TRAPPC9: variants seen among roughly 807,000 people sequenced by gnomAD.
TRAPPC9 encodes IKK2 binding protein.
A neutral mutation model predicts 124.0 loss-of-function variants in TRAPPC9; 83 were observed. The ratio of observed to expected loss-of-function variants is 0.67; its 90% CI spans 0.56 to 0.80. TRAPPC9 has a LOEUF of 0.80. Among genes scored for constraint, TRAPPC9 ranks in the 30% least tolerant of loss-of-function variants. TRAPPC9 has a pLI of 0.00. For synonymous variants in TRAPPC9, 638 were observed against 617.5 expected (o/e 1.03, Z -0.49); for missense variants, 1,302 against 1,508.3 (o/e 0.86, Z 2.27).
At chr8:140,435,021 T>C in intron 4 of TRAPPC9, 91 bp downstream of exon 4, 1 of 1,578,672 alleles carries the variant, frequency 6.3e-7, no homozygotes. Flanking sequence ...TATTTAAATA[T>C]TAGTCCTAAC....
intron 8 of TRAPPC9, among the ~76,000 whole-genome samples, chr8:140,369,811 G>C (rs2068226197): frequency 6.6e-6 from 1 of 152,108 alleles, no homozygotes; most frequent in Non-Finnish European, 1.5e-5. Context: ...AATTAGCTGG[G>C]CGTGGTAGCA....
chr8:140,075,307 A>G (rs533127217), intron 17 of TRAPPC9, among the ~76,000 whole-genome samples: 1 of 152,356 alleles, frequency 6.6e-6, no homozygotes, highest in East Asian at 1.9e-4. Context: ...TACTCATTAC[A>G]AAGATTATTT....
intron 21 of TRAPPC9, among the ~76,000 whole-genome samples, chr8:139,792,340 G>C (rs1199819752): frequency 6.6e-6 from 1 of 152,214 alleles, no homozygotes; most frequent in Non-Finnish European, 1.5e-5. Flanking sequence ...GCAGCAGGCA[G>C]GAAAGGCCTA....
At chr8:140,438,820 T>C (rs2070908291) in intron 3 of TRAPPC9, among the ~76,000 whole-genome samples, 2 of 152,172 alleles carry the variant, frequency 1.3e-5, no homozygotes, top group Non-Finnish European at 2.9e-5. Context: ...GCCTCCCGAG[T>C]AGCTGGGACT....
At chr8:139,894,561 A>G (rs541651357) in intron 20 of TRAPPC9, among the ~76,000 whole-genome samples, 55 of 151,452 alleles carry the variant, frequency 3.6e-4, no homozygotes, top group African/African-American at 1.2e-3. Context: ...CAGCGGAGGG[A>G]GGGGGGGGCT....
intron 11 of TRAPPC9, among the ~76,000 whole-genome samples, chr8:140,292,599 G>A (rs897427049): frequency 5.9e-5 from 9 of 152,182 alleles, no homozygotes; most frequent in African/African-American, 2.2e-4. Context: ...ACCCAGAGCT[G>A]GCATGTTGAC....
At chr8:139,732,988 T>G (rs1271780903) in intron 21 of TRAPPC9, among the ~76,000 whole-genome samples, 2 of 150,500 alleles carry the variant, frequency 1.3e-5, no homozygotes, top group African/African-American at 2.5e-5. Flanking sequence ...GAGGTCAGGG[T>G]GGGGTGGGGG....
intron 19 of TRAPPC9, among the ~76,000 whole-genome samples, chr8:139,913,750 C>G (rs1831914817): frequency 6.6e-6 from 1 of 152,320 alleles, no homozygotes; most frequent in East Asian, 1.9e-4. Context: ...AGTGACTCAC[C>G]TAAGGTCACC....
At chr8:139,790,484 C>T (rs1822583699) in intron 21 of TRAPPC9, among the ~76,000 whole-genome samples, 1 of 152,234 alleles carries the variant, frequency 6.6e-6, no homozygotes, top group Non-Finnish European at 1.5e-5. Flanking sequence ...TCCATCTCTG[C>T]CCTGAGAGGC....
At chr8:140,167,916 G>A (rs569448075) in intron 17 of TRAPPC9, among the ~76,000 whole-genome samples, 57 of 152,302 alleles carry the variant, frequency 3.7e-4, no homozygotes, top group African/African-American at 1.3e-3. Flanking sequence ...AAAGAGCAAC[G>A]GTAACTCCGG....
intron 4 of TRAPPC9, among the ~76,000 whole-genome samples, chr8:140,429,293 T>C (rs1288234941): frequency 1.3e-5 from 2 of 152,090 alleles, no homozygotes; most frequent in African/African-American, 4.8e-5. Flanking sequence ...GGTTTTACCA[T>C]ATTGGCCAGG....
chr8:140,435,721 G>T (rs1012604666), intron 3 of TRAPPC9, among the ~76,000 whole-genome samples: 3 of 152,166 alleles, frequency 2.0e-5, no homozygotes, highest in African/African-American at 7.2e-5. Flanking sequence ...CACCCCATAG[G>T]CATCTGCTCC....
intron 21 of TRAPPC9, among the ~76,000 whole-genome samples, chr8:139,789,745 G>T (rs1822524020): frequency 6.6e-6 from 1 of 152,174 alleles, no homozygotes. Context: ...TGGGTCCCAG[G>T]GGAAGGCCAG....
chr8:139,780,690 C>T (rs978741616), intron 21 of TRAPPC9, among the ~76,000 whole-genome samples: 2 of 152,036 alleles, frequency 1.3e-5, no homozygotes, highest in Non-Finnish European at 2.9e-5. Flanking sequence ...GACTTCATTA[C>T]AATTTAAAGC....
chr8:140,377,447 C>A (rs1035323464), intron 7 of TRAPPC9, among the ~76,000 whole-genome samples: 2 of 152,024 alleles, frequency 1.3e-5, no homozygotes, highest in African/African-American at 4.8e-5. Context: ...TACAGGTGCC[C>A]GACGCCACAC....
intron 9 of TRAPPC9, among the ~76,000 whole-genome samples, chr8:140,352,719 C>T (rs571372906): frequency 5.3e-4 from 80 of 152,270 alleles, no homozygotes; most frequent in African/African-American, 1.9e-3. Flanking sequence ...CCAGGCCAGT[C>T]AGAGCACTGC....
intron 19 of TRAPPC9, 142 bp downstream of exon 19, chr8:139,988,584 A>G (rs1215752477): frequency 6.1e-6 from 4 of 653,560 alleles, no homozygotes; most frequent in Non-Finnish European, 1.1e-5. Flanking sequence ...CCAAACTTGA[A>G]TAGTCACTAC....
chr8:140,443,409 G>C (rs545687029), intron 2 of TRAPPC9, among the ~76,000 whole-genome samples: 91 of 150,648 alleles, frequency 6.0e-4, no homozygotes, highest in Admixed American at 1.2e-3. Flanking sequence ...GCACTCCAGC[G>C]TGGGCGACAG....
intron 16 of TRAPPC9, among the ~76,000 whole-genome samples, chr8:140,222,483 G>A (rs1188492657): frequency 2.6e-5 from 4 of 152,006 alleles, no homozygotes; most frequent in Non-Finnish European, 4.4e-5. Context: ...TTTTCCTCCT[G>A]GCTCTTCTCC....
Sources: allele counts gnomAD v4.1 joint callset (sites outside exome capture counted in the v4.1 genomes callset), GRCh38; gene constraint gnomAD v4.1.1; transcripts MANE v1.5; gene names NCBI Gene and HGNC (gene_info 2026-07-23, HGNC 2026-07-21).